Variants in FAT3 observed in about 807,000 individuals in gnomAD.
FAT3 encodes protocadherin Fat 3.
In FAT3, 95 loss-of-function variants were observed where a neutral mutation model predicts 310.2. The observed-to-expected ratio is 0.31, with a 90% CI of 0.26 to 0.36. FAT3 has a LOEUF of 0.36. Ranked by LOEUF, FAT3 falls within the 10% of genes least tolerant of loss-of-function variation. The pLI, the probability that FAT3 is intolerant of heterozygous loss-of-function variation, is 1.00. For synonymous variants in FAT3, 2,314 were observed against 2,192.9 expected (o/e 1.06, Z -1.54); for missense variants, 5,408 against 5,715.6 (o/e 0.95, Z 1.74).
chr11:92,693,664 G>A (rs530171382), intron 3 of FAT3, among the ~76,000 whole-genome samples: 12 of 152,274 alleles, frequency 7.9e-5, no homozygotes, highest in African/African-American at 2.4e-4. Flanking sequence ...CTGAGGTGCC[G>A]TAGCTCATCG....
intron 2 of FAT3, among the ~76,000 whole-genome samples, chr11:92,381,291 C>T (rs1462871848): frequency 6.6e-6 from 1 of 152,154 alleles, no homozygotes; most frequent in Admixed American, 6.5e-5. Context: ...AGGTGGATCA[C>T]TTGAGGTCGG....
intron 1 of FAT3, among the ~76,000 whole-genome samples, chr11:92,278,359 A>C (rs1233096911): frequency 6.6e-6 from 1 of 152,098 alleles, no homozygotes; most frequent in Non-Finnish European, 1.5e-5. Flanking sequence ...ACTTTGGTGC[A>C]AACATTTTCT....
chr11:92,457,460 G>C (rs1011775500), intron 2 of FAT3, among the ~76,000 whole-genome samples: 1 of 151,964 alleles, frequency 6.6e-6, no homozygotes, highest in African/African-American at 2.4e-5. Flanking sequence ...GAGTTTCTGT[G>C]CAAAGAACCA....
At chr11:92,531,260 G>T (rs1236276085) in intron 3 of FAT3, among the ~76,000 whole-genome samples, 1 of 152,168 alleles carries the variant, frequency 6.6e-6, no homozygotes, top group South Asian at 2.1e-4. Context: ...TATCACGGGG[G>T]TTATTTAAAT....
chr11:92,568,612 T>C (rs182353330), intron 3 of FAT3, among the ~76,000 whole-genome samples: 1 of 152,292 alleles, frequency 6.6e-6, no homozygotes, highest in African/African-American at 2.4e-5. Context: ...AACCCTTGAA[T>C]GTCATTCCAT....
At chr11:92,837,935 GAA>G in intron 17 of FAT3, 129 bp downstream of exon 17, 1 of 1,142,088 alleles carries the variant, frequency 8.8e-7, no homozygotes, top group Non-Finnish European at 1.3e-6. Context: ...GGGCAGGTAT[GAA>G]AAAGAACCTA....
rs766425087 is a variant in FAT3, at chr11:92,354,683, C to A, written c.2571C>A (p.Asp857Glu). The A allele has an allele frequency of 2.5e-5, 40 of 1,613,852 alleles. No individual in the cohort carries two copies. Among genetic ancestry groups the A allele is most frequent in the Non-Finnish European group, 3.3e-5 (39 of 1,179,866 alleles). ...GTEIIQVEAR[D>E]KDLGSNGEVT... The stretch of plus-strand genomic sequence containing the variant: ...AAATCATTCAAGTGGAAGCCAGAGA[C>A]AAAGACTTAGGTTCTAATGGTGAAG... The change falls in exon 2 of 28, where the codon GAC (aspartate) becomes GAA (glutamate). Residue 857 changes from aspartate to glutamate, a missense_variant. Physicochemically the swap from Asp to Glu is conservative, Grantham distance 45. Around this residue, in one of 5 missense-constraint regions of FAT3, gnomAD observed 4,588 missense variants for 4,809.8 expected, o/e 0.95. Transcript: ENST00000525166.
At chr11:92,284,996 A>G (rs550087404) in intron 1 of FAT3, among the ~76,000 whole-genome samples, 9 of 152,280 alleles carry the variant, frequency 5.9e-5, no homozygotes, top group Non-Finnish European at 8.8e-5. Flanking sequence ...AGAATTTTCT[A>G]TTAGGAAAAT....
At chr11:92,330,664 A>G (rs1001944302) in intron 1 of FAT3, among the ~76,000 whole-genome samples, 3 of 152,144 alleles carry the variant, frequency 2.0e-5, no homozygotes, top group Non-Finnish European at 4.4e-5. Flanking sequence ...AATAAACTCT[A>G]AGGGCATTGT....
At chr11:92,442,081 T>TTTATATATATATATA (rs1355599282) in intron 2 of FAT3, among the ~76,000 whole-genome samples, 1 of 70,012 alleles carries the variant, frequency 1.4e-5, no homozygotes, top group African/African-American at 8.2e-5. Flanking sequence ...AATATATATT[T>TTTATATATATATATA]TATATATATA....
rs1027128252 is a variant in FAT3 at position 92,366,920 on chromosome 11, T to C, written c.3292+11516T>C. On this transcript the variant is annotated intron_variant, in intron 2 of 27. Transcript: ENST00000525166. ...ACAGGTGCACCTCCAGATCTTTACC[T>C]GGGCCTCGCCATGCTTTGCAGCAGT... The C allele has an allele frequency of 7.5e-6, 4 of 532,176 alleles. No individual in the cohort carries two copies. The African/African-American group carries it at 7.7e-5, about 10-fold the overall frequency. The allele number at this position is 532,176 out of a possible 1,614,324, so 33.0% of individuals were successfully genotyped here.
chr11:92,757,469 G>T (rs1946033168), intron 4 of FAT3, among the ~76,000 whole-genome samples: 1 of 152,126 alleles, frequency 6.6e-6, no homozygotes, highest in South Asian at 2.1e-4. Context: ...AGATGATGGG[G>T]ATTTATCTCA....
chr11:92,878,871 G>C, intron 22 of FAT3, among the ~76,000 whole-genome samples: 1 of 151,390 alleles, frequency 6.6e-6, no homozygotes, highest in Non-Finnish European at 1.5e-5. Context: ...AGAAAACAGA[G>C]GAAAATAAAT....
chr11:92,552,250 G>A (rs12273922), intron 3 of FAT3, among the ~76,000 whole-genome samples: 22,981 of 152,062 alleles, frequency 0.15, 1,922 homozygotes, highest in East Asian at 0.29. Flanking sequence ...TCATGGACAA[G>A]TCACTTAAAG....
chr11:92,234,479 T>C (rs1864327118), intron 1 of FAT3, among the ~76,000 whole-genome samples: 1 of 152,110 alleles, frequency 6.6e-6, no homozygotes, highest in Non-Finnish European at 1.5e-5. Context: ...AGTTTAAGAA[T>C]TTCTGGGCCA....
rs552349175 is a variant in FAT3 at position 92,234,894 on chromosome 11, C to T, written c.-18+9720C>T. Among the ~76,000 whole-genome samples, 17 of 134,232 alleles carry T rather than the reference C, an allele frequency of 1.3e-4. No homozygotes were observed. In the South Asian group the frequency reaches 3.9e-3, roughly 31 times the overall value. The allele number at this position is 134,232 out of a possible 152,430, so 88.1% of individuals were successfully genotyped here. On this transcript the variant is annotated intron_variant, in intron 1 of 27. Transcript: ENST00000525166. ...TCCAGCCTGGGTGACAACAGTGAGA[C>T]TCCGTCTCAAAAAAAAAAAAAAAAA... is the stretch of plus-strand genomic sequence containing the variant.
rs1954661549 is a variant in FAT3 at position 92,547,761 on chromosome 11, C to T, written c.3607+22813C>T. On this transcript the variant is annotated intron_variant, in intron 3 of 27. Transcript: ENST00000525166. ...CCTGGGTAGTATGAGGCACGGGCTG[C>T]CCTAGAGATAATGGATCATGTGAAG... Among the ~76,000 whole-genome samples, 4 of 152,254 alleles carry T rather than the reference C, an allele frequency of 2.6e-5. No individual in the cohort carries two copies. In the South Asian group the frequency reaches 8.3e-4, roughly 32 times the overall value.
At chr11:92,660,070 C>T (rs1479931223) in intron 3 of FAT3, among the ~76,000 whole-genome samples, 2 of 152,068 alleles carry the variant, frequency 1.3e-5, no homozygotes, top group Non-Finnish European at 2.9e-5. Context: ...CTTAGTGCAG[C>T]AATGATACAC....
intron 2 of FAT3, among the ~76,000 whole-genome samples, chr11:92,418,419 A>ACCCCCCCCCCCCCCCC (rs1208826432): frequency 2.5e-5 from 1 of 39,484 alleles, no homozygotes; most frequent in East Asian, 1.6e-3. Context: ...AAAGTTAAAC[A>ACCCCCCCCCCCCCCCC]CCCCCCCCAC....
Sources: allele counts gnomAD v4.1 joint callset (sites outside exome capture counted in the v4.1 genomes callset), GRCh38; gene constraint gnomAD v4.1.1; regional missense constraint gnomAD v4.1.1; transcripts MANE v1.5; gene names NCBI Gene and HGNC (gene_info 2026-07-23, HGNC 2026-07-21).